PIEZO1: variants seen among roughly 807,000 people sequenced by gnomAD.
PIEZO1 encodes the protein piezo-type mechanosensitive ion channel component 1.
In PIEZO1, 296 loss-of-function variants were observed where a neutral mutation model predicts 297.2. That is an observed-to-expected ratio of 1.00 (90% confidence interval 0.91 to 1.10). The LOEUF is 1.10. PIEZO1 is among the 50% of genes least tolerant of loss of function. The pLI is 0.00. For synonymous variants in PIEZO1, 2,427 were observed against 1,507.5 expected (o/e 1.61, Z -14.13); for missense variants, 5,018 against 3,455.5 (o/e 1.45, Z -11.34).
chr16:88,756,077 C>A (rs1407547980), intron 1 of PIEZO1, among the ~76,000 whole-genome samples: 1 of 152,164 alleles, frequency 6.6e-6, no homozygotes, highest in African/African-American at 2.4e-5. Context: ...CAGAGGTGTC[C>A]TCAGCCATGG....
Position 88,720,458 on chromosome 16 carries a change from T to A in PIEZO1, c.5876A>T (p.Asp1959Val), listed in dbSNP as rs1232820643. The A allele has an allele frequency of 6.4e-7, 1 of 1,550,390 alleles. No homozygotes were observed. Among genetic ancestry groups the A allele is most frequent in the Non-Finnish European group, 8.7e-7 (1 of 1,146,944 alleles). ...AGCCAGGAACATGAGGGCATAGACG[T>A]CGGTGGCTGCGCGGTACTTGGTGTG... The part of the protein sequence containing the change: ...ILHTKYRAAT[D>V]VYALMFLADV... The change falls in exon 41 of 51, where the codon GAC becomes GTC. Residue 1959 changes from aspartate (D) to valine (V), a missense_variant. Asp to Val is a radical substitution (Grantham distance 152). Transcript: ENST00000301015.
At chr16:88,749,575 G>T in intron 1 of PIEZO1, 96 bp from the exon 2 acceptor site, 1 of 923,194 alleles carries the variant, frequency 1.1e-6, no homozygotes, top group South Asian at 1.6e-5. Flanking sequence ...TCACACCGCC[G>T]AGGCCGTGTG....
rs982900909 is a variant in PIEZO1 at position 88,738,051 on chromosome 16, C to G, written c.903G>C (p.Ala301=). Reference sequence around the variant, plus strand: ...AGTCCAGGCCGGTGTTGAGGACCAGCGCGTGGGGGCTGGAGCAGTTGGTGG... The same window carrying G: ...AGTCCAGGCCGGTGTTGAGGACCAGGGCGTGGGGGCTGGAGCAGTTGGTGG... ...VGPTNCSSPH[A]LVLNTGLDWP... is the part of the protein sequence containing the mutation. Residue 301 remains alanine, a synonymous_variant, in exon 8 of 51, where the codon GCG becomes GCC. Coordinates refer to ENST00000301015, the MANE Select transcript of PIEZO1 (RefSeq NM_001142864.4). 1 of 1,535,794 alleles carries G rather than the reference C, an allele frequency of 6.5e-7. No homozygotes were observed. Among genetic ancestry groups the G allele is most frequent in the Admixed American group, 2.0e-5 (1 of 50,996 alleles).
Position 88,721,678 on chromosome 16 carries a change from T to G in PIEZO1, c.5263A>C (p.Asn1755His). The G allele has an allele frequency of 6.5e-7, 1 of 1,549,702 alleles. No homozygotes were observed. Among genetic ancestry groups the G allele is most frequent in the Non-Finnish European group, 8.7e-7 (1 of 1,146,758 alleles). The part of the protein sequence containing the change: ...YLFQFGFFPW[N>H]SHVVLRRYEN... The stretch of plus-strand genomic sequence containing the variant: ...TAGCGCCGCAGCACCACGTGGCTGT[T>G]CCAGGGGAAGAACCCAAACTGGAAC... Residue 1755 changes from asparagine to histidine, a missense_variant, in exon 38 of 51, where the codon AAC becomes CAC. By Grantham distance (68) the Asn-to-His change is moderately conservative. Coordinates refer to ENST00000301015, the MANE Select transcript of PIEZO1 (RefSeq NM_001142864.4).
chr16:88,718,978 G>A (rs991463404), intron 44 of PIEZO1: 1 of 155,272 alleles, frequency 6.4e-6, no homozygotes, highest in African/African-American at 2.4e-5. Context: ...CCAAAGTGCT[G>A]GGACCATAGG....
Position 88,736,626 on chromosome 16 carries a change from C to T in PIEZO1, c.1296+13G>A, listed in dbSNP as rs143301625. On this transcript the variant is annotated intron_variant, in intron 11 of 50. Coordinates refer to ENST00000301015, the MANE Select transcript of PIEZO1 (RefSeq NM_001142864.4). ...AGAGGGGGCCGCCCACCCCAACCCCCACAGCCGCCTACCATCATGGCAATG... is the reference window on the plus strand; with the variant it reads ...AGAGGGGGCCGCCCACCCCAACCCCTACAGCCGCCTACCATCATGGCAATG... The T allele has an allele frequency of 5.9e-6, 9 of 1,522,066 alleles. No homozygotes were observed. The East Asian group carries it at 1.7e-4, about 29-fold the overall frequency. 94.3% of individuals were successfully genotyped at this position (1,522,066 alleles called of 1,614,324 possible). A position where few individuals can be genotyped will look rare whatever the true frequency, so the allele number is the denominator to read the frequency against.
intron 1 of PIEZO1, among the ~76,000 whole-genome samples, chr16:88,781,273 G>A (rs558436): frequency 0.36 from 55,483 of 152,054 alleles, 10,011 homozygotes; most frequent in East Asian, 0.42. Flanking sequence ...GAGACTGTGC[G>A]CCCCCACCCA....
intron 1 of PIEZO1, among the ~76,000 whole-genome samples, chr16:88,769,820 A>G (rs573696050): frequency 6.6e-6 from 1 of 152,294 alleles, no homozygotes; most frequent in Non-Finnish European, 1.5e-5. Context: ...GACGAGCCTC[A>G]TGTCACCTCT....
intron 1 of PIEZO1, among the ~76,000 whole-genome samples, chr16:88,768,206 C>T (rs1290472130): frequency 6.6e-6 from 1 of 152,230 alleles, no homozygotes; most frequent in Non-Finnish European, 1.5e-5. Flanking sequence ...TCCTCTTGTG[C>T]GGCCTGGCAC....
rs1192345811 is a variant in PIEZO1, at chr16:88,737,958, G to C, written c.996C>G (p.Leu332=). 2.0e-6 allele frequency: 3 copies of C among 1,532,788 alleles called. No homozygotes were observed. The highest frequency in any genetic ancestry group is 2.6e-6 in the Non-Finnish European group (3 of 1,144,966). The allele number at this position is 1,532,788 out of a possible 1,614,324, so 94.9% of individuals were successfully genotyped here. A position where few individuals can be genotyped will look rare whatever the true frequency, so the allele number is the denominator to read the frequency against. Residue 332 remains leucine, a synonymous_variant, in exon 8 of 51, where the codon CTC becomes CTG. Transcript: ENST00000301015. ...LCYATASLRK[L]RAYRPSGQRK... ...CCTGGCCGGAGGGGCGGTACGCGCG[G>C]AGCTTGCGCAGAGAGGCCGTGGCGT...
intron 22 of PIEZO1, among the ~76,000 whole-genome samples, chr16:88,730,183 C>T (rs929034366): frequency 6.6e-6 from 1 of 152,262 alleles, no homozygotes; most frequent in African/African-American, 2.4e-5. Context: ...AGCGCCCAGA[C>T]CCCGGGCTCT....
In PIEZO1 at chr16:88,749,003, C is replaced by G. The variant is rs368077945; in HGVS notation, c.160+381G>C. 4.1e-3 allele frequency among the ~76,000 whole-genome samples: 603 copies of G among 148,776 alleles called. 2 individuals carry two copies. Among genetic ancestry groups the G allele is most frequent in the Non-Finnish European group, 6.9e-3 (466 of 67,552 alleles). On this transcript the variant is annotated intron_variant, in intron 2 of 50. Transcript: ENST00000301015. ...CTGTAATCCCAGCACTTTGGGAGGC[C>G]GAGGCGGGCGGATCACAAGGTCAGG...
chr16:88,756,770 A>C (rs950622957), intron 1 of PIEZO1, among the ~76,000 whole-genome samples: 1 of 150,672 alleles, frequency 6.6e-6, no homozygotes, highest in African/African-American at 2.4e-5. Flanking sequence ...TCCGTCTCAA[A>C]AAACAATAAA....
intron 27 of PIEZO1, chr16:88,725,912 C>A: frequency 1.7e-6 from 1 of 575,224 alleles, no homozygotes; most frequent in Non-Finnish European, 3.1e-6. Flanking sequence ...GGCACCCACC[C>A]CACCACAGCT....
At chr16:88,763,120 G>C (rs1369896110) in intron 1 of PIEZO1, among the ~76,000 whole-genome samples, 1 of 152,220 alleles carries the variant, frequency 6.6e-6, no homozygotes, top group Non-Finnish European at 1.5e-5. Flanking sequence ...TCCAGGTCAT[G>C]ATTCAAGCCT....
At chr16:88,733,052 G>A (rs1904974094) in intron 19 of PIEZO1, 2 of 589,014 alleles carry the variant, frequency 3.4e-6, no homozygotes, top group Middle Eastern at 4.5e-4. Flanking sequence ...GGAGACCCTG[G>A]GACTCCGCCC....
intron 10 of PIEZO1, chr16:88,736,950 C>A (rs1030284750): frequency 1.1e-5 from 5 of 463,226 alleles, no homozygotes; most frequent in African/African-American, 8.2e-5. Context: ...GTTCTCTGGG[C>A]CTCACTTTCC....
Position 88,726,586 on chromosome 16 carries a change from G to T in PIEZO1, c.3757C>A (p.Leu1253Ile). 1 of 1,535,648 alleles carries T rather than the reference G, an allele frequency of 6.5e-7. No individual in the cohort carries two copies. Among genetic ancestry groups the T allele is most frequent in the African/African-American group, 1.4e-5 (1 of 72,994 alleles). ...TTGACGGTGCATACAAGGCTGAAGA[G>T]CTGGATGACCCAGCAGAAGCCGGTC... ...MQTGFCWVIQLFSLVCTVKGY... is the reference protein window; with the variant it reads ...MQTGFCWVIQIFSLVCTVKGY... The change falls in exon 26 of 51, where the codon CTC becomes ATC. Residue 1253 changes from leucine to isoleucine, a missense_variant. By Grantham distance (5) the Leu-to-Ile change is conservative. Transcript: ENST00000301015.
intron 1 of PIEZO1, among the ~76,000 whole-genome samples, chr16:88,756,678 G>C (rs1034261744): frequency 5.3e-5 from 8 of 152,168 alleles, no homozygotes; most frequent in African/African-American, 1.7e-4. Context: ...TGAGGCAAGA[G>C]AATCGCTTGA....
Sources: allele counts gnomAD v4.1 joint callset (sites outside exome capture counted in the v4.1 genomes callset), GRCh38; gene constraint gnomAD v4.1.1; transcripts MANE v1.5; gene names NCBI Gene and HGNC (gene_info 2026-07-23, HGNC 2026-07-21).